SOCS2: variants seen among roughly 807,000 people sequenced by gnomAD.
The protein encoded by SOCS2 is CIS-2.
A neutral mutation model predicts 18.6 loss-of-function variants in SOCS2; 10 were observed. The observed-to-expected ratio is 0.54, with a 90% CI of 0.33 to 0.91. The LOEUF (loss-of-function observed/expected upper bound fraction) is 0.91, where lower values mean the gene tolerates loss of function less well. SOCS2 is among the 40% of genes least tolerant of loss of function. The pLI, the probability that SOCS2 is intolerant of heterozygous loss-of-function variation, is 0.02. For missense variants in SOCS2, 231 were observed against 247.2 expected (o/e 0.93, Z 0.44); for synonymous variants, 104 against 104.0 (o/e 1.00, Z 0.00).
chr12:93,580,662 C>T (rs1039825112), downstream of SOCS2, among the ~76,000 whole-genome samples: 1 of 150,824 alleles, frequency 6.6e-6, no homozygotes, highest in Non-Finnish European at 1.5e-5. Flanking sequence ...GAAAAAGAGG[C>T]CATGTTATTT....
chr12:93,613,467 G>C, the SOCS2 span, among the ~76,000 whole-genome samples: 2 of 151,754 alleles, frequency 1.3e-5, no homozygotes, highest in South Asian at 4.1e-4. Flanking sequence ...CAAGCTAGAA[G>C]ACTTGAGTTT....
rs549844428 is a variant in SOCS2, at chr12:93,575,294, G to C, written c.*115G>C. 1.9e-5 allele frequency: 13 copies of C among 669,982 alleles called. No individual in the cohort carries two copies. The South Asian group carries it at 3.7e-4, about 19-fold the overall frequency. 41.5% of individuals were successfully genotyped at this position (669,982 alleles called of 1,614,324 possible). A position where few individuals can be genotyped will look rare whatever the true frequency, so the allele number is the denominator to read the frequency against. ...CTATATGGAATGCTTTCTAAGAACAGCTGAAGCTAATCTAATTTAAATTTA... is the reference window on the plus strand; with the variant it reads ...CTATATGGAATGCTTTCTAAGAACACCTGAAGCTAATCTAATTTAAATTTA... On this transcript the variant is annotated 3_prime_UTR_variant, in exon 2 of 2. Transcript: ENST00000551556.
the SOCS2 span, among the ~76,000 whole-genome samples, chr12:93,601,798 C>A: frequency 6.6e-6 from 1 of 152,168 alleles, no homozygotes; most frequent in Non-Finnish European, 1.5e-5. Context: ...TGGTACATTG[C>A]ACAATATCTT....
the SOCS2 span, among the ~76,000 whole-genome samples, chr12:93,622,899 A>C: frequency 4.6e-5 from 7 of 152,226 alleles, no homozygotes; most frequent in Admixed American, 4.6e-4. Flanking sequence ...GGAAGGTTTG[A>C]GCCATGACTA....
the SOCS2 span, among the ~76,000 whole-genome samples, chr12:93,593,294 C>T: frequency 6.6e-6 from 1 of 152,166 alleles, no homozygotes; most frequent in Non-Finnish European, 1.5e-5. Flanking sequence ...ATGCCTAAAG[C>T]TCTCCGCCTA....
the SOCS2 span, among the ~76,000 whole-genome samples, chr12:93,592,025 T>C: frequency 2.0e-5 from 3 of 152,196 alleles, no homozygotes; most frequent in Non-Finnish European, 4.4e-5. Flanking sequence ...AGTGATAACA[T>C]GCTCATGGTT....
the SOCS2 span, among the ~76,000 whole-genome samples, chr12:93,604,163 T>G: frequency 1.3e-5 from 2 of 151,772 alleles, no homozygotes; most frequent in African/African-American, 4.8e-5. Flanking sequence ...TTGCTCCTAC[T>G]CTTCTGCACT....
chr12:93,603,717 T>C, the SOCS2 span, among the ~76,000 whole-genome samples: 1 of 152,194 alleles, frequency 6.6e-6, no homozygotes, highest in African/African-American at 2.4e-5. Context: ...GCAGTATTAT[T>C]TGGGGTAATG....
chr12:93,574,297 G>A (rs935938504), intron 1 of SOCS2: 2 of 141,928 alleles, frequency 1.4e-5, no homozygotes, highest in African/African-American at 5.3e-5. Flanking sequence ...TACAGGAGTT[G>A]GGTTTTCCAC....
At chr12:93,598,166 G>T in the SOCS2 span, among the ~76,000 whole-genome samples, 59 of 152,276 alleles carry the variant, frequency 3.9e-4, no homozygotes, top group Non-Finnish European at 6.2e-4. Context: ...CGTTGCTGAC[G>T]ATACTGTGTT....
chr12:93,611,080 C>T, the SOCS2 span, among the ~76,000 whole-genome samples: 1 of 151,992 alleles, frequency 6.6e-6, no homozygotes, highest in African/African-American at 2.4e-5. Context: ...GTCCTAGTCC[C>T]CCTAGTTTCC....
the SOCS2 span, among the ~76,000 whole-genome samples, chr12:93,605,634 A>G: frequency 6.6e-6 from 1 of 152,258 alleles, no homozygotes; most frequent in Non-Finnish European, 1.5e-5. Context: ...AAAAGGAATT[A>G]TGTGAAATGA....
chr12:93,576,808 A>G (rs377590722), downstream of SOCS2: 2 of 152,218 alleles, frequency 1.3e-5, no homozygotes, highest in Non-Finnish European at 2.9e-5. Context: ...GAAACATACT[A>G]TGTATATCCA....
upstream of SOCS2, chr12:93,571,493 G>A (rs1314427947): frequency 2.4e-5 from 4 of 164,694 alleles, no homozygotes; most frequent in African/African-American, 7.2e-5. Context: ...CTAATAACCT[G>A]ATCTCCCGCT....
rs1364285108 is a variant in SOCS2 at position 93,574,980 on chromosome 12, G to T, written c.398G>T (p.Cys133Phe). ...CTGATCGACTACTATGTTCAGATGT[G>T]CAAGGATAAGCGGACAGGTCCAGAA... ...VHLIDYYVQM[C>F]KDKRTGPEAP... is the part of the protein sequence containing the mutation. Residue 133 changes from cysteine (C) to phenylalanine (F), a missense_variant, in exon 2 of 2, where the codon TGC becomes TTC. By Grantham distance (205) the Cys-to-Phe change is radical. Around this residue, in one of 3 missense-constraint regions of SOCS2, gnomAD observed 122 missense variants for 127.2 expected, o/e 0.96. Transcript: ENST00000551556. 5.6e-6 allele frequency: 9 copies of T among 1,614,154 alleles called. No homozygotes were observed. The highest frequency in any genetic ancestry group is 2.2e-5 in the East Asian group (1 of 44,880).
At chr12:93,603,006 T>G in the SOCS2 span, among the ~76,000 whole-genome samples, 1 of 152,182 alleles carries the variant, frequency 6.6e-6, no homozygotes, top group Admixed American at 6.5e-5. Flanking sequence ...GTGAGGTCCA[T>G]TCAAGATGTG....
chr12:93,572,590 G>T (rs906601811), upstream of SOCS2: 1 of 596,102 alleles, frequency 1.7e-6, no homozygotes, highest in Non-Finnish European at 3.1e-6. This position sits in a 1 kb window ranked among gnomAD's most constrained non-coding sequence, Gnocchi z 5.0. Context: ...AGAGGCGGAG[G>T]AGTCCCTGGG....
At chr12:93,624,765 G>T in the SOCS2 span, among the ~76,000 whole-genome samples, 1 of 152,168 alleles carries the variant, frequency 6.6e-6, no homozygotes, top group Admixed American at 6.5e-5. Context: ...CTCCCATTAA[G>T]TTGGGGGCAG....
chr12:93,577,719 C>T (rs1954486003), downstream of SOCS2, among the ~76,000 whole-genome samples: 1 of 152,122 alleles, frequency 6.6e-6, no homozygotes, highest in Admixed American at 6.5e-5. Context: ...TCAGCCTGGC[C>T]CAGTGGTTTT....
Sources: allele counts gnomAD v4.1 joint callset (sites outside exome capture counted in the v4.1 genomes callset), GRCh38; gene constraint gnomAD v4.1.1; regional missense constraint gnomAD v4.1.1; non-coding constraint Gnocchi (gnomAD v3.1); transcripts MANE v1.5; gene names NCBI Gene and HGNC (gene_info 2026-07-23, HGNC 2026-07-21).